Variants in TET3 observed in about 807,000 individuals in gnomAD.
The protein encoded by TET3 is methylcytosine dioxygenase TET3.
Under a neutral mutation model 141.4 loss-of-function variants are expected in TET3, and 19 were observed. That is an observed-to-expected ratio of 0.13 (90% CI 0.09 to 0.20). TET3 has a LOEUF of 0.20. Ranked by LOEUF, TET3 falls within the 10% of genes least tolerant of loss-of-function variation. TET3 has a pLI of 1.00. For missense variants in TET3, 1,874 were observed against 2,356.9 expected, an observed-to-expected ratio of 0.80 and a Z score of 4.24; for synonymous variants, 1,043 against 980.9, an observed-to-expected ratio of 1.06 and a Z score of -1.18.
downstream of TET3, among the ~76,000 whole-genome samples, chr2:74,110,541 C>T (rs575056595): frequency 2.0e-5 from 3 of 152,276 alleles, no homozygotes; most frequent in Non-Finnish European, 4.4e-5. Flanking sequence ...GTTCGACACA[C>T]ATAATCCAGT....
At chr2:74,090,482 C>T (rs1690423105) in intron 8 of TET3, among the ~76,000 whole-genome samples, 1 of 152,204 alleles carries the variant, frequency 6.6e-6, no homozygotes, top group Non-Finnish European at 1.5e-5. Context: ...TATCTCCCAC[C>T]CTGCCTGGCT....
Position 74,046,431 on chromosome 2 carries a change from G to A in TET3, c.514G>A (p.Gly172Ser), listed in dbSNP as rs1009820562. 6.3e-7 allele frequency: 1 copy of A among 1,595,858 alleles called. No individual in the cohort carries two copies. The highest frequency in any genetic ancestry group is 1.3e-5 in the African/African-American group (1 of 74,600). The change falls in exon 4 of 12, where the codon GGT (glycine) becomes AGT (serine). Residue 172 changes from glycine to serine, a missense_variant. Coordinates refer to ENST00000409262, the MANE Select transcript of TET3 (RefSeq NM_001287491.2). This position sits in a 1 kb window ranked among gnomAD's most constrained non-coding sequence, Gnocchi z 4.3. ...TGGACCCAGTCTGCTGGGGACTGGG[G>A]GTCCTTGGCGGGTAGACCAAAAGCC... is the stretch of plus-strand genomic sequence containing the variant. ...PAGPSLLGTG[G>S]PWRVDQKPDW...
chr2:74,106,330 T>C lies in TET3; in HGVS notation c.*4154T>C, dbSNP rs536907783. 1 of 152,352 alleles carries C rather than the reference T, an allele frequency of 6.6e-6. No homozygotes were observed. The allele number at this position is 152,352 out of a possible 1,614,324, so 9.4% of individuals were successfully genotyped here. ...TTGATGTGAAAGAAAGGGCGAAGGG[T>C]TTTTTGAGTTTTTGTTTTTGAGGAA... On this transcript the variant is annotated 3_prime_UTR_variant, in exon 12 of 12. Coordinates refer to ENST00000409262, the MANE Select transcript of TET3 (RefSeq NM_001287491.2).
intron 2 of TET3, among the ~76,000 whole-genome samples, chr2:74,001,374 A>G (rs939942402): frequency 3.9e-5 from 6 of 152,216 alleles, no homozygotes; most frequent in Non-Finnish European, 5.9e-5. Context: ...CCCTGGCCTC[A>G]GCTTATTCAT....
the TET3 span, among the ~76,000 whole-genome samples, chr2:74,127,868 A>G: frequency 6.6e-6 from 1 of 152,222 alleles, no homozygotes; most frequent in Admixed American, 6.5e-5. Context: ...TAAACAGGCA[A>G]GAGTATTTTC....
At chr2:74,002,680 G>C in intron 2 of TET3, 1 of 415,882 alleles carries the variant, frequency 2.4e-6, no homozygotes, top group Non-Finnish European at 4.2e-6. Context: ...GCCCCGCGGC[G>C]GGGAGGGGAG....
intron 3 of TET3, among the ~76,000 whole-genome samples, chr2:74,025,156 G>A (rs1168053054): frequency 3.4e-5 from 5 of 148,700 alleles, no homozygotes; most frequent in African/African-American, 9.9e-5. Context: ...CCCGGGAGGC[G>A]GAGCTTGCAG....
intron 2 of TET3, among the ~76,000 whole-genome samples, chr2:73,997,638 C>T (rs894508368): frequency 5.3e-5 from 8 of 152,198 alleles, no homozygotes; most frequent in Non-Finnish European, 8.8e-5. Context: ...CAGCCCCTCT[C>T]TCTGGTGCTG....
intron 3 of TET3, among the ~76,000 whole-genome samples, chr2:74,038,009 C>G (rs1223133071): frequency 6.6e-6 from 1 of 152,096 alleles, no homozygotes; most frequent in African/African-American, 2.4e-5. Context: ...CTCTGGAGTC[C>G]CCTGGGTGGG....
At chr2:74,080,780 G>A (rs1219950072) in intron 6 of TET3, among the ~76,000 whole-genome samples, 189 bp downstream of exon 6, 1 of 152,126 alleles carries the variant, frequency 6.6e-6, no homozygotes, top group East Asian at 1.9e-4. Flanking sequence ...CTGGCTCAGG[G>A]TTAGGGTCAT....
At chr2:74,040,640 G>C (rs1370183975) in intron 3 of TET3, among the ~76,000 whole-genome samples, 2 of 152,118 alleles carry the variant, frequency 1.3e-5, no homozygotes, top group East Asian at 3.9e-4. Flanking sequence ...GACCAGGCAT[G>C]GGGGCTCACA....
chr2:73,996,025 A>T (rs184468121), intron 2 of TET3, among the ~76,000 whole-genome samples: 1 of 149,540 alleles, frequency 6.7e-6, no homozygotes, highest in East Asian at 2.0e-4. Context: ...GGGGAAAATG[A>T]CTCCTCCCCA....
At chr2:74,109,857 A>G (rs1572920233), downstream of TET3, among the ~76,000 whole-genome samples, 6 of 152,274 alleles carry the variant, frequency 3.9e-5, no homozygotes, top group South Asian at 1.2e-3. Flanking sequence ...TGGACACACT[A>G]TTTTTATGAG....
At chr2:74,025,919 CAG>C (rs969923978) in intron 3 of TET3, among the ~76,000 whole-genome samples, 5 of 152,096 alleles carry the variant, frequency 3.3e-5, no homozygotes, top group African/African-American at 9.6e-5. Context: ...GCTTGGGCGA[CAG>C]AGTGAGACCT....
At chr2:74,028,935 C>A (rs2105281611) in intron 3 of TET3, among the ~76,000 whole-genome samples, 1 of 152,328 alleles carries the variant, frequency 6.6e-6, no homozygotes, top group South Asian at 2.1e-4. Flanking sequence ...ATCACACTTA[C>A]AGGAGTCCTG....
intron 2 of TET3, among the ~76,000 whole-genome samples, chr2:73,987,475 C>T (rs563809966): frequency 6.6e-6 from 1 of 152,260 alleles, no homozygotes; most frequent in African/African-American, 2.4e-5. Context: ...CATGACCTTG[C>T]ATTGGCCGTC....
downstream of TET3, among the ~76,000 whole-genome samples, chr2:74,109,746 C>T (rs1691658678): frequency 6.6e-6 from 1 of 152,202 alleles, no homozygotes; most frequent in Non-Finnish European, 1.5e-5. Context: ...ACACCTAGAG[C>T]ATCATTATTC....
At chr2:74,065,233 A>C (rs1688816477) in intron 4 of TET3, among the ~76,000 whole-genome samples, 2 of 152,244 alleles carry the variant, frequency 1.3e-5, no homozygotes, top group African/African-American at 4.8e-5. Flanking sequence ...AATGAAGTGA[A>C]TAGTCACCTT....
chr2:74,025,836 G>T (rs1686318547), intron 3 of TET3, among the ~76,000 whole-genome samples: 1 of 152,104 alleles, frequency 6.6e-6, no homozygotes, highest in Non-Finnish European at 1.5e-5. Flanking sequence ...AGGCGCTGTG[G>T]CTCATGCCTG....
Sources: gnomAD v4.1 joint callset for allele counts (sites outside exome capture counted in the v4.1 genomes callset) on GRCh38, gnomAD v4.1.1 for gene constraint, Gnocchi (gnomAD v3.1) non-coding constraint, MANE v1.5 for transcripts, NCBI Gene and HGNC (gene_info 2026-07-23, HGNC 2026-07-21) for gene names.